SMG6: variants seen among roughly 807,000 people sequenced by gnomAD.
The protein encoded by SMG6 is SMG6 nonsense mediated mRNA decay factor.
SMG6 carries 66 observed loss-of-function variants against 142.2 expected under a neutral mutation model. That is an observed-to-expected ratio of 0.46 (90% CI 0.38 to 0.57). The LOEUF is 0.57. Among genes scored for constraint, SMG6 ranks in the 20% least tolerant of loss-of-function variants. The probability of loss-of-function intolerance (pLI) is 0.00; values close to 1 mark genes in which losing one functional copy is unlikely to be tolerated. For missense variants in SMG6, 1,793 were observed against 1,832.0 expected, an observed-to-expected ratio of 0.98 and a Z score of 0.39; for synonymous variants, 779 against 702.4, an observed-to-expected ratio of 1.11 and a Z score of -1.72.
chr17:2,269,944 G>T (rs1311603615), intron 8 of SMG6, among the ~76,000 whole-genome samples: 1 of 152,040 alleles, frequency 6.6e-6, no homozygotes, highest in African/African-American at 2.4e-5. Context: ...CAAGAGGATG[G>T]CTTGAGCCCA....
intron 13 of SMG6, among the ~76,000 whole-genome samples, chr17:2,136,335 G>A (rs550003020): frequency 3.3e-5 from 5 of 152,198 alleles, no homozygotes; most frequent in African/African-American, 7.2e-5. Flanking sequence ...GAGTCACTGC[G>A]CCTGGCCAAT....
chr17:2,215,593 T>C (rs1455175240), intron 10 of SMG6: 1 of 152,126 alleles, frequency 6.6e-6, no homozygotes, highest in African/African-American at 2.4e-5. Flanking sequence ...TGCATCAACA[T>C]ATGAAGTCTA....
At chr17:2,218,693 AG>A (rs1376339647) in intron 10 of SMG6, among the ~76,000 whole-genome samples, 1 of 152,230 alleles carries the variant, frequency 6.6e-6, no homozygotes, top group Non-Finnish European at 1.5e-5. Flanking sequence ...ACCTGAGGTG[AG>A]GTGAAAGATT....
At chr17:2,207,592 A>G (rs1398498128) in intron 10 of SMG6, among the ~76,000 whole-genome samples, 2 of 152,150 alleles carry the variant, frequency 1.3e-5, no homozygotes, top group Non-Finnish European at 2.9e-5. Context: ...AAAAAGATCA[A>G]TGATATATTA....
chr17:2,203,348 C>T (rs924867323), intron 10 of SMG6, among the ~76,000 whole-genome samples: 2 of 152,114 alleles, frequency 1.3e-5, no homozygotes, highest in South Asian at 2.1e-4. Context: ...TGGCACTGGA[C>T]GAGTCCCTTA....
intron 10 of SMG6, among the ~76,000 whole-genome samples, chr17:2,202,832 G>C (rs1256480743): frequency 6.6e-6 from 1 of 152,166 alleles, no homozygotes; most frequent in African/African-American, 2.4e-5. Context: ...CACACAGCTG[G>C]CAAGTGGCTG....
chr17:2,084,760 A>C (rs963357176), intron 14 of SMG6, among the ~76,000 whole-genome samples: 3 of 152,210 alleles, frequency 2.0e-5, no homozygotes, highest in Non-Finnish European at 4.4e-5. Flanking sequence ...TTCCCACCTA[A>C]GTCTCTTGTC....
intron 13 of SMG6, among the ~76,000 whole-genome samples, chr17:2,115,277 G>A (rs1323878288): frequency 6.6e-6 from 1 of 151,894 alleles, no homozygotes; most frequent in Non-Finnish European, 1.5e-5. Context: ...AATCTTAAGA[G>A]GCCCATCTAA....
intron 6 of SMG6, among the ~76,000 whole-genome samples, chr17:2,291,025 G>C (rs980107658): frequency 6.6e-6 from 1 of 152,086 alleles, no homozygotes; most frequent in Non-Finnish European, 1.5e-5. Flanking sequence ...GTCTCCTTTG[G>C]GGTGATGAAA....
intron 8 of SMG6, chr17:2,244,992 T>C (rs570389335): frequency 2.2e-6 from 1 of 452,650 alleles, no homozygotes; most frequent in East Asian, 3.6e-5. Context: ...CGGTGAATCC[T>C]AATAAGCAGG....
In SMG6 at chr17:2,172,556, C is replaced by G. The variant is rs1381486539; in HGVS notation, c.3357+102G>C. 4.8e-6 allele frequency: 6 copies of G among 1,247,566 alleles called. No homozygotes were observed. The Admixed American group carries it at 9.6e-5, about 20-fold the overall frequency. The allele number at this position is 1,247,566 out of a possible 1,614,324, so 77.3% of individuals were successfully genotyped here. On this transcript the variant is annotated intron_variant, in intron 13 of 18. Transcript: ENST00000263073. ...TTTCCCTTAACACCCTTCTCAATGA[C>G]TTAATCATGTTCCATTTGCACAGAA... is the stretch of plus-strand genomic sequence containing the variant.
chr17:2,160,884 C>A (rs902322586), intron 13 of SMG6, among the ~76,000 whole-genome samples: 1 of 151,972 alleles, frequency 6.6e-6, no homozygotes, highest in Middle Eastern at 3.4e-3. Flanking sequence ...AATATATATT[C>A]TTTTACATAT....
intron 10 of SMG6, among the ~76,000 whole-genome samples, chr17:2,218,540 C>T (rs898138295): frequency 9.2e-5 from 14 of 151,870 alleles, no homozygotes; most frequent in Non-Finnish European, 1.8e-4. Context: ...ACCGAGACTC[C>T]GTCTCAAAAA....
intron 15 of SMG6, among the ~76,000 whole-genome samples, chr17:2,076,530 GCACA>G (rs1288268735): frequency 6.6e-6 from 1 of 152,184 alleles, no homozygotes; most frequent in Non-Finnish European, 1.5e-5. Context: ...TGGCCTGAGG[GCACA>G]CATGTGTGTG....
intron 15 of SMG6, among the ~76,000 whole-genome samples, chr17:2,075,646 C>G (rs1359972195): frequency 2.0e-5 from 3 of 152,224 alleles, no homozygotes; most frequent in Non-Finnish European, 4.4e-5. Flanking sequence ...GAATCAAACA[C>G]TTCTGACCAA....
At chr17:2,113,611 T>C (rs181917599) in intron 13 of SMG6, among the ~76,000 whole-genome samples, 3 of 152,310 alleles carry the variant, frequency 2.0e-5, no homozygotes, top group Admixed American at 2.0e-4. Context: ...GGCATTCTTA[T>C]CAAATGAAAG....
chr17:2,184,009 TACTCACAGACCC>T (rs1234807743), intron 12 of SMG6, among the ~76,000 whole-genome samples: 1 of 152,056 alleles, frequency 6.6e-6, no homozygotes, highest in Non-Finnish European at 1.5e-5. Context: ...CAGGAACACA[TACTCACAGACCC>T]AGACACAGAC....
At chr17:2,143,036 C>T (rs564136528) in intron 13 of SMG6, among the ~76,000 whole-genome samples, 2 of 152,006 alleles carry the variant, frequency 1.3e-5, no homozygotes, top group African/African-American at 2.4e-5. Flanking sequence ...TACCACTTCA[C>T]ACACACTAGG....
At chr17:2,173,341 T>G (rs1192108061) in intron 12 of SMG6, among the ~76,000 whole-genome samples, 1 of 152,170 alleles carries the variant, frequency 6.6e-6, no homozygotes, top group East Asian at 1.9e-4. Flanking sequence ...TCATGCATGT[T>G]TTCCTCCTAC....
Sources: allele counts gnomAD v4.1 joint callset (sites outside exome capture counted in the v4.1 genomes callset), GRCh38; gene constraint gnomAD v4.1.1; transcripts MANE v1.5; gene names NCBI Gene and HGNC (gene_info 2026-07-23, HGNC 2026-07-21).